Variants in CRYZL1 observed in about 807,000 individuals in gnomAD.
CRYZL1 encodes crystallin zeta like 1.
A neutral mutation model predicts 50.6 loss-of-function variants in CRYZL1; 34 were observed. That is an observed-to-expected ratio of 0.67 (90% CI 0.51 to 0.89). The LOEUF is 0.89. CRYZL1 is among the 40% of genes least tolerant of loss of function. The pLI is 0.00. For missense variants in CRYZL1, 354 were observed against 402.3 expected (o/e 0.88, Z 1.03); for synonymous variants, 125 against 134.3 (o/e 0.93, Z 0.48).
intron 10 of CRYZL1, 91 bp downstream of exon 10, chr21:33,597,189 G>T: frequency 7.6e-7 from 1 of 1,314,566 alleles, no homozygotes; most frequent in Non-Finnish European, 1.1e-6. Context: ...TACTAATTTA[G>T]TCATACCTTG....
At chr21:33,614,501 CAAAT>C in intron 5 of CRYZL1, among the ~76,000 whole-genome samples, 2 of 152,204 alleles carry the variant, frequency 1.3e-5, no homozygotes, top group African/African-American at 4.8e-5. Flanking sequence ...AACTAAGAAA[CAAAT>C]AAACAAAATT....
rs2086640018 is a variant in CRYZL1 at position 33,591,196 on chromosome 21, C to G, written c.916G>C (p.Asp306His). The G allele has an allele frequency of 6.2e-7, 1 of 1,609,906 alleles. No individual in the cohort carries two copies. Among genetic ancestry groups the G allele is most frequent in the African/African-American group, 1.3e-5 (1 of 74,830 alleles). ...QQGKYLCILK[D>H]VMEKLSTGVF... is the part of the protein sequence containing the mutation. The stretch of plus-strand genomic sequence containing the variant: ...CCAGTTGATAACTTCTCCATCACAT[C>G]CTTTAAGATACGTAGCTGGAAGGAT... The change falls in exon 12 of 13, where the codon GAT (aspartate) becomes CAT (histidine). Residue 306 changes from aspartate (D) to histidine (H), a missense_variant. Asp to His is a moderately conservative substitution (Grantham distance 81, BLOSUM62 -1). Coordinates refer to ENST00000381554, the MANE Select transcript of CRYZL1 (RefSeq NM_145858.3).
At chr21:33,605,606 C>T (rs1054758863) in intron 6 of CRYZL1, among the ~76,000 whole-genome samples, 16 of 127,962 alleles carry the variant, frequency 1.3e-4, no homozygotes, top group Admixed American at 3.9e-4. Flanking sequence ...ACTGCACCCT[C>T]CCCCTCCTGG....
intron 6 of CRYZL1, among the ~76,000 whole-genome samples, chr21:33,608,300 C>CA (rs2086835192): frequency 6.6e-6 from 1 of 152,044 alleles, no homozygotes; most frequent in African/African-American, 2.4e-5. Flanking sequence ...ACTAAAAATA[C>CA]AAAAAGTAGC....
At chr21:33,620,004 C>T (rs941512931) in intron 4 of CRYZL1, among the ~76,000 whole-genome samples, 2 of 152,098 alleles carry the variant, frequency 1.3e-5, no homozygotes, top group African/African-American at 2.4e-5. Context: ...GAGAGTGAAC[C>T]GTTTAAGGGC....
chr21:33,605,904 T>C (rs1194826673), intron 6 of CRYZL1, among the ~76,000 whole-genome samples: 1 of 152,096 alleles, frequency 6.6e-6, no homozygotes. Flanking sequence ...ATGCTTCCTC[T>C]AGTAGCAATG....
At chr21:33,620,135 C>A (rs1339239244) in intron 4 of CRYZL1, among the ~76,000 whole-genome samples, 4 of 152,188 alleles carry the variant, frequency 2.6e-5, no homozygotes, top group Non-Finnish European at 4.4e-5. Context: ...ACATAATTAT[C>A]ATTTAGCTAT....
chr21:33,595,767 A>C lies in CRYZL1; in HGVS notation c.868T>G (p.Trp290Gly). 1 of 1,614,174 alleles carries C rather than the reference A, an allele frequency of 6.2e-7. No homozygotes were observed. The highest frequency in any genetic ancestry group is 8.5e-7 in the Non-Finnish European group (1 of 1,179,988). The change falls in exon 11 of 13, where the codon TGG becomes GGG. Residue 290 changes from tryptophan to glycine, a missense_variant. Coordinates refer to ENST00000381554, the MANE Select transcript of CRYZL1 (RefSeq NM_145858.3). The part of the protein sequence containing the change: ...ATLAFLNDEV[W>G]NLSNVQQGKY... ...CCCTGTTGTACATTTGACAAATTCC[A>C]AACTTCATCATTCAGGAAAGCTAAC...
At chr21:33,638,333 C>T (rs1475598230) in intron 1 of CRYZL1, among the ~76,000 whole-genome samples, 2 of 152,008 alleles carry the variant, frequency 1.3e-5, no homozygotes, top group Non-Finnish European at 2.9e-5. Context: ...CTGCCCCAGC[C>T]TCCCGAGTAG....
intron 4 of CRYZL1, 35 bp from the exon 5 acceptor site, chr21:33,616,785 A>T: frequency 6.8e-7 from 1 of 1,471,390 alleles, no homozygotes; most frequent in Non-Finnish European, 9.2e-7. Context: ...TTAATATTAC[A>T]AGTTTATTAA....
chr21:33,633,638 C>T (rs1446816617), intron 1 of CRYZL1: 1 of 152,284 alleles, frequency 6.6e-6, no homozygotes, highest in East Asian at 1.9e-4. Context: ...TGGTCTTGAT[C>T]TCCTCACCTT....
chr21:33,591,182 C>A lies in CRYZL1; in HGVS notation c.930G>T (p.Lys310Asn), dbSNP rs1314288640. The change falls in exon 12 of 13, where the codon AAG becomes AAT. Residue 310 changes from lysine (K) to asparagine (N), a missense_variant. Lys to Asn is a moderately conservative substitution (Grantham distance 94). Coordinates refer to ENST00000381554, the MANE Select transcript of CRYZL1 (RefSeq NM_145858.3). ...CGTACCTGAAAACACCAGTTGATAA[C>A]TTCTCCATCACATCCTTTAAGATAC... ...YLCILKDVME[K>N]LSTGVFRPQL... 7.5e-6 allele frequency: 12 copies of A among 1,610,342 alleles called. No homozygotes were observed. Among genetic ancestry groups the A allele is most frequent in the Middle Eastern group, 1.6e-4 (1 of 6,076 alleles).
chr21:33,631,591 A>G, intron 1 of CRYZL1, 34 bp from the exon 2 acceptor site: 3 of 1,344,136 alleles, frequency 2.2e-6, no homozygotes, highest in Non-Finnish European at 2.9e-6. Context: ...AAATAAAATA[A>G]CAAGTCTTCC....
At chr21:33,621,869 A>G in intron 4 of CRYZL1, 127 bp downstream of exon 4, 1 of 582,926 alleles carries the variant, frequency 1.7e-6, no homozygotes. Flanking sequence ...AAAAAAGGAC[A>G]TGTTCATATA....
At chr21:33,638,545 A>G (rs998681487) in intron 1 of CRYZL1, among the ~76,000 whole-genome samples, 1 of 152,188 alleles carries the variant, frequency 6.6e-6, no homozygotes, top group Admixed American at 6.5e-5. Flanking sequence ...ATGCATGGTT[A>G]TAACAGTTGA....
chr21:33,624,740 C>G lies in CRYZL1; in HGVS notation c.87G>C (p.Glu29Asp). The G allele has an allele frequency of 1.3e-6, 2 of 1,595,626 alleles. No homozygotes were observed. Among genetic ancestry groups the G allele is most frequent in the Non-Finnish European group, 1.7e-6 (2 of 1,175,542 alleles). ...FQEKEDLPVT[E>D]DNFVKLQVKA... Reference sequence around the variant, plus strand: ...TAACTTGAAGTTTCACAAAGTTATCCTCTGTAACAGGAAGATCTTCCTAGA... The same window carrying G: ...TAACTTGAAGTTTCACAAAGTTATCGTCTGTAACAGGAAGATCTTCCTAGA... The change falls in exon 3 of 13, where the codon GAG becomes GAC. Residue 29 changes from glutamate (E) to aspartate (D), a missense_variant. By Grantham distance (45) the Glu-to-Asp change is conservative (BLOSUM62 2). Coordinates refer to ENST00000381554, the MANE Select transcript of CRYZL1 (RefSeq NM_145858.3).
chr21:33,632,065 G>A (rs1434907888), intron 1 of CRYZL1, among the ~76,000 whole-genome samples: 1 of 151,350 alleles, frequency 6.6e-6, no homozygotes, highest in Admixed American at 6.6e-5. Context: ...GCTCACGCCT[G>A]TAATCCCAGC....
At chr21:33,635,211 C>T (rs2087190295) in intron 1 of CRYZL1, among the ~76,000 whole-genome samples, 1 of 151,930 alleles carries the variant, frequency 6.6e-6, no homozygotes, top group Admixed American at 6.6e-5. Flanking sequence ...TTAAATAAAA[C>T]AGTCTATTAC....
Position 33,602,234 on chromosome 21 carries a change from C to T in CRYZL1, c.577G>A (p.Ala193Thr), listed in dbSNP as rs747654999. The T allele has an allele frequency of 6.6e-7, 1 of 1,511,954 alleles. No individual in the cohort carries two copies. The highest frequency in any genetic ancestry group is 9.2e-7 in the Non-Finnish European group (1 of 1,087,000). 93.7% of individuals were successfully genotyped at this position (1,511,954 alleles called of 1,614,324 possible). Reference protein sequence around the residue: ...QCLERFRPPIARVIDVSNGKV... With the variant: ...QCLERFRPPITRVIDVSNGKV... ...AGTCTGTGCTCATAATATTACCCAC[C>T]TATGGGAGGTCTGAATCTTTCAAGG... The change falls in exon 8 of 13, where the codon GCC becomes ACC. Residue 193 changes from alanine to threonine, a missense_variant and splice_region_variant. Physicochemically the swap from Ala to Thr is moderately conservative, Grantham distance 58. Transcript: ENST00000381554.
Sources: gnomAD v4.1 joint callset for allele counts (sites outside exome capture counted in the v4.1 genomes callset) on GRCh38, gnomAD v4.1.1 for gene constraint, MANE v1.5 for transcripts, NCBI Gene and HGNC (gene_info 2026-07-23, HGNC 2026-07-21) for gene names.